The following SIK2 variants were observed in gnomAD, a reference collection of about 807,000 sequenced individuals.
The protein encoded by SIK2 is serine/threonine-protein kinase SIK2.
Under a neutral mutation model 103.2 loss-of-function variants are expected in SIK2, and 29 were observed. The observed-to-expected ratio is 0.28, with a 90% confidence interval of 0.21 to 0.38. The LOEUF (loss-of-function observed/expected upper bound fraction) is 0.38, where lower values mean the gene tolerates loss of function less well. SIK2 is among the 10% of genes least tolerant of loss of function. The pLI is 1.00. For synonymous variants in SIK2, 412 were observed against 446.1 expected (o/e 0.92, Z 0.96); for missense variants, 879 against 1,171.0 (o/e 0.75, Z 3.64).
intron 3 of SIK2, among the ~76,000 whole-genome samples, chr11:111,647,290 T>G (rs930519324): frequency 6.6e-6 from 1 of 152,118 alleles, no homozygotes; most frequent in African/African-American, 2.4e-5. Context: ...TAAGATAAAT[T>G]ACTAGAAATG....
intron 3 of SIK2, among the ~76,000 whole-genome samples, chr11:111,657,415 G>T (rs1394305058): frequency 2.0e-5 from 3 of 151,944 alleles, no homozygotes; most frequent in Non-Finnish European, 4.4e-5. Context: ...TTTGAGACAG[G>T]GTCTCACTCT....
chr11:111,724,986 C>G lies in SIK2; in HGVS notation c.*857C>G, dbSNP rs1017550869. 5 of 152,456 alleles carry G rather than the reference C, an allele frequency of 3.3e-5. No individual in the cohort carries two copies. Among genetic ancestry groups the G allele is most frequent in the African/African-American group, 1.2e-4 (5 of 41,440 alleles). The allele number at this position is 152,456 out of a possible 1,614,324, so 9.4% of individuals were successfully genotyped here. A position where few individuals can be genotyped will look rare whatever the true frequency, so the allele number is the denominator to read the frequency against. On this transcript the variant is annotated 3_prime_UTR_variant, in exon 15 of 15. Coordinates refer to ENST00000304987, the MANE Select transcript of SIK2 (RefSeq NM_015191.3). ...GTTTCTCGTGGACACTGCTGGCTTG[C>G]GGGCAGTCGGTCTCCAGGGTACCTG...
intron 8 of SIK2, among the ~76,000 whole-genome samples, chr11:111,707,726 T>A (rs1343402076): frequency 6.6e-6 from 1 of 152,174 alleles, no homozygotes; most frequent in Non-Finnish European, 1.5e-5. Flanking sequence ...CTAATTTTTT[T>A]AAAAGAAGTG....
At chr11:111,623,362 A>G (rs1410735434) in intron 3 of SIK2, among the ~76,000 whole-genome samples, 1 of 151,998 alleles carries the variant, frequency 6.6e-6, no homozygotes, top group Non-Finnish European at 1.5e-5. Context: ...GTTGGTTTTG[A>G]TTGGTTGATG....
At chr11:111,654,593 A>G (rs1942367548) in intron 3 of SIK2, among the ~76,000 whole-genome samples, 1 of 152,240 alleles carries the variant, frequency 6.6e-6, no homozygotes, top group South Asian at 2.1e-4. Flanking sequence ...GTTCTTTAAT[A>G]TTATGCTTTG....
In SIK2 at chr11:111,719,914, C is replaced by A. The variant is rs368000163; in HGVS notation, c.1406C>A (p.Ala469Asp). ...GAGGCCGAGGAAGACCCCGCTCATG[C>A]CTTTGAGGCATTTCAGTCCACACGC... is the stretch of plus-strand genomic sequence containing the variant. The part of the protein sequence containing the change: ...EGEAEEDPAH[A>D]FEAFQSTRSG... The change falls in exon 10 of 15, where the codon GCC becomes GAC. Residue 469 changes from alanine to aspartate, a missense_variant. By Grantham distance (126) the Ala-to-Asp change is moderately radical (BLOSUM62 -2). This residue lies in a region of SIK2 where 222 missense variants were observed against 258.0 expected (regional missense o/e 0.86). Coordinates refer to ENST00000304987, the MANE Select transcript of SIK2 (RefSeq NM_015191.3). 3.3e-5 allele frequency: 54 copies of A among 1,614,004 alleles called. No individual in the cohort carries two copies. Among genetic ancestry groups the A allele is most frequent in the Non-Finnish European group, 4.0e-5 (47 of 1,180,036 alleles).
chr11:111,670,514 A>G (rs1942610764), intron 3 of SIK2, among the ~76,000 whole-genome samples: 1 of 152,208 alleles, frequency 6.6e-6, no homozygotes, highest in Admixed American at 6.5e-5. Flanking sequence ...CCTTATTTAT[A>G]TAAAAGTTTA....
intron 3 of SIK2, among the ~76,000 whole-genome samples, chr11:111,642,822 A>G (rs1277155382): frequency 6.6e-6 from 1 of 152,178 alleles, no homozygotes; most frequent in Non-Finnish European, 1.5e-5. Flanking sequence ...TGTGGTTGAA[A>G]GGGGCTTGTT....
chr11:111,721,804 A>G (rs1943809771), intron 12 of SIK2, 26 bp from the exon 13 acceptor site: 1 of 1,571,862 alleles, frequency 6.4e-7, no homozygotes, highest in Non-Finnish European at 8.6e-7. Flanking sequence ...GGAATTGAAA[A>G]TTGTTTCCAC....
At chr11:111,632,701 C>A (rs1942055287) in intron 3 of SIK2, among the ~76,000 whole-genome samples, 1 of 152,144 alleles carries the variant, frequency 6.6e-6, no homozygotes, top group African/African-American at 2.4e-5. Context: ...CCTTAGAGTT[C>A]TTTGAACTTC....
At chr11:111,696,797 G>C (rs1277132247) in intron 4 of SIK2, among the ~76,000 whole-genome samples, 1 of 152,230 alleles carries the variant, frequency 6.6e-6, no homozygotes, top group African/African-American at 2.4e-5. Flanking sequence ...AGGAATGAAT[G>C]AATGTGGTTA....
intron 3 of SIK2, among the ~76,000 whole-genome samples, chr11:111,687,707 A>G (rs1247977220): frequency 3.3e-5 from 5 of 151,104 alleles, no homozygotes; most frequent in African/African-American, 9.7e-5. Context: ...CTGGGTTCAC[A>G]CCATTCTCCT....
At chr11:111,666,274 G>A (rs1942540269) in intron 3 of SIK2, among the ~76,000 whole-genome samples, 1 of 152,138 alleles carries the variant, frequency 6.6e-6, no homozygotes, top group African/African-American at 2.4e-5. Context: ...CAGGTTCTGT[G>A]CTTTCTCCTG....
intron 3 of SIK2, among the ~76,000 whole-genome samples, chr11:111,632,776 G>A (rs1459013508): frequency 1.3e-5 from 2 of 151,782 alleles, no homozygotes; most frequent in African/African-American, 2.4e-5. Context: ...ATCTCCTTAA[G>A]CATGTCATTT....
intron 4 of SIK2, among the ~76,000 whole-genome samples, chr11:111,689,601 A>C (rs147964811): frequency 9.3e-4 from 142 of 152,344 alleles, no homozygotes; most frequent in African/African-American, 3.2e-3. Context: ...AAAGAAGAGC[A>C]GGGAGACATC....
Position 111,717,400 on chromosome 11 carries a change from C to G in SIK2, c.1267-2375C>G, listed in dbSNP as rs765846339. Among the ~76,000 whole-genome samples the G allele has an allele frequency of 2.1e-5, 3 of 143,888 alleles. No homozygotes were observed. The Admixed American group carries it at 2.1e-4, about 10-fold the overall frequency. 94.4% of individuals were successfully genotyped at this position (143,888 alleles called of 152,430 possible). A position where few individuals can be genotyped will look rare whatever the true frequency, so the allele number is the denominator to read the frequency against. ...AATCAAAACCACAATGAGATACTAT[C>G]TCATGCCAGTCAGAATGGCAATTAT... On this transcript the variant is annotated intron_variant, in intron 9 of 14. Coordinates refer to ENST00000304987, the MANE Select transcript of SIK2 (RefSeq NM_015191.3).
At chr11:111,721,439 T>C (rs1053289703) in intron 12 of SIK2, among the ~76,000 whole-genome samples, 4 of 152,322 alleles carry the variant, frequency 2.6e-5, no homozygotes, top group Admixed American at 2.6e-4. Flanking sequence ...CTACTTTTGA[T>C]GTGGTATCAC....
At chr11:111,712,617 CCTGT>C (rs1943531895) in intron 9 of SIK2, among the ~76,000 whole-genome samples, 1 of 152,156 alleles carries the variant, frequency 6.6e-6, no homozygotes, top group African/African-American at 2.4e-5. Context: ...AAAAGTCCTC[CCTGT>C]CTTTCTCGCT....
chr11:111,701,397 CAAAG>C lies in SIK2; in HGVS notation c.604-53_604-50del. On this transcript the variant is annotated intron_variant, in intron 5 of 14. Coordinates refer to ENST00000304987, the MANE Select transcript of SIK2 (RefSeq NM_015191.3). This position sits in a 1 kb window ranked among gnomAD's most constrained non-coding sequence, Gnocchi z 4.2. The stretch of plus-strand genomic sequence containing the variant: ...AGAGCCCTGGGGATGTTCAGGAAAA[CAAAG>C]AGTGTTTGACGTTCTTGGTAGAAAA... 1 of 1,578,704 alleles carries C rather than the reference CAAAG, an allele frequency of 6.3e-7. No individual in the cohort carries two copies. Among genetic ancestry groups the C allele is most frequent in the Non-Finnish European group, 8.6e-7 (1 of 1,157,488 alleles).
Sources: allele counts gnomAD v4.1 joint callset (sites outside exome capture counted in the v4.1 genomes callset), GRCh38; gene constraint gnomAD v4.1.1; regional missense constraint gnomAD v4.1.1; non-coding constraint Gnocchi (gnomAD v3.1); transcripts MANE v1.5; gene names NCBI Gene and HGNC (gene_info 2026-07-23, HGNC 2026-07-21).